ADGRB2: variants seen among roughly 807,000 people sequenced by gnomAD.
The protein encoded by ADGRB2 is brain-specific angiogenesis inhibitor 2.
Under a neutral mutation model 178.7 loss-of-function variants are expected in ADGRB2, and 47 were observed. The ratio of observed to expected loss-of-function variants is 0.26; its 90% confidence interval spans 0.21 to 0.34. ADGRB2 has a LOEUF of 0.34. ADGRB2 is among the 10% of genes least tolerant of loss of function. The pLI is 1.00. For missense variants in ADGRB2, 1,584 were observed against 2,180.8 expected, an observed-to-expected ratio of 0.73 and a Z score of 5.45; for synonymous variants, 870 against 912.4, an observed-to-expected ratio of 0.95 and a Z score of 0.84.
At position 31,728,976 on chromosome 1, in the gene ADGRB2, C is replaced by T. The variant is rs1645141147; in HGVS notation, c.4381-343G>A. Among the ~76,000 whole-genome samples the T allele has an allele frequency of 6.6e-6, 1 of 152,140 alleles. No homozygotes were observed. The highest frequency in any genetic ancestry group is 2.4e-5 in the African/African-American group (1 of 41,426). On this transcript the variant is annotated intron_variant, in intron 29 of 32. Transcript: ENST00000373658. The surrounding 1 kb of genome is among the most constrained non-coding windows in gnomAD (Gnocchi z 6.7). ...TCCCCATCTTGCCCCATTCTCTCTG[C>T]CAGCCATAGCTACCCCTCCCCTTGG...
At chr1:31,743,041 T>C (rs575162089) in intron 6 of ADGRB2, 39 bp from the exon 7 acceptor site, 59 of 1,365,974 alleles carry the variant, frequency 4.3e-5, no homozygotes, top group Admixed American at 2.4e-4. Context: ...GGCGGCACCA[T>C]GGCCCCGCCC....
At chr1:31,749,647 T>C (rs1172228359) in intron 4 of ADGRB2, among the ~76,000 whole-genome samples, 1 of 152,220 alleles carries the variant, frequency 6.6e-6, no homozygotes, top group East Asian at 1.9e-4. Context: ...ATGAGGTGGC[T>C]CACGCCTGCA....
chr1:31,729,940 A>T lies in ADGRB2; in HGVS notation c.4380+860T>A, dbSNP rs555522042. Among the ~76,000 whole-genome samples, 33 of 152,360 alleles carry T rather than the reference A, an allele frequency of 2.2e-4. 1 individual carries two copies. In the South Asian group the frequency reaches 6.8e-3, roughly 32 times the overall value. On this transcript the variant is annotated intron_variant, in intron 29 of 32. Transcript: ENST00000373658. The stretch of plus-strand genomic sequence containing the variant: ...CTTTGGGAGAAAAACTAAACTTGTG[A>T]GCCCCGTAGCTACTAACTTAATTTT...
At chr1:31,763,033 G>A (rs1488187558) in intron 1 of ADGRB2, among the ~76,000 whole-genome samples, 1 of 152,214 alleles carries the variant, frequency 6.6e-6, no homozygotes, top group Non-Finnish European at 1.5e-5. Flanking sequence ...AACCCCCTCC[G>A]GATCATGCCG....
At chr1:31,749,241 A>G (rs1252160385) in intron 4 of ADGRB2, among the ~76,000 whole-genome samples, 2 of 152,112 alleles carry the variant, frequency 1.3e-5, no homozygotes, top group African/African-American at 4.8e-5. Context: ...TCCCAGCCCC[A>G]ACCACACCAC....
At chr1:31,748,381 G>A (rs924480878) in intron 4 of ADGRB2, among the ~76,000 whole-genome samples, 2 of 152,232 alleles carry the variant, frequency 1.3e-5, no homozygotes, top group Admixed American at 6.5e-5. Flanking sequence ...ATCCCACTCA[G>A]AGGAGAGGAG....
chr1:31,740,579 A>G lies in ADGRB2; in HGVS notation c.1795-38T>C. 6.5e-7 allele frequency: 1 copy of G among 1,539,462 alleles called. No homozygotes were observed. Among genetic ancestry groups the G allele is most frequent in the East Asian group, 2.3e-5 (1 of 43,120 alleles). ...AGGGGGCCACAGTCACTGAAGTGTC[A>G]GGAGCTGGAACCAGACCCTGGCCCA... is the stretch of plus-strand genomic sequence containing the variant. On this transcript the variant is annotated intron_variant, in intron 11 of 32. Transcript: ENST00000373658. This position sits in a 1 kb window ranked among gnomAD's most constrained non-coding sequence, Gnocchi z 5.9.
Position 31,754,787 on chromosome 1 carries a change from A to G in ADGRB2, c.838+1212T>C, listed in dbSNP as rs1000931333. The stretch of plus-strand genomic sequence containing the variant: ...TAATTCAGGGATACCTCCCCATTCT[A>G]CAAAGAAACCACTGCCCACCAAAAA... On this transcript the variant is annotated intron_variant, in intron 4 of 32. Transcript: ENST00000373658. This position sits in a 1 kb window ranked among gnomAD's most constrained non-coding sequence, Gnocchi z 5.7. Among the ~76,000 whole-genome samples, 1 of 152,230 alleles carries G rather than the reference A, an allele frequency of 6.6e-6. No homozygotes were observed. Among genetic ancestry groups the G allele is most frequent in the African/African-American group, 2.4e-5 (1 of 41,452 alleles).
rs762120790 is a variant in ADGRB2 at position 31,731,166 on chromosome 1, T to A, written c.4014A>T (p.Thr1338=). 8 of 1,598,788 alleles carry A rather than the reference T, an allele frequency of 5.0e-6. No homozygotes were observed. The South Asian group carries it at 7.9e-5, about 16-fold the overall frequency. Residue 1338 remains threonine, a synonymous_variant, in exon 29 of 33, where the codon ACA becomes ACT. Coordinates refer to ENST00000373658, the MANE Select transcript of ADGRB2 (RefSeq NM_001364857.2). ...GEGGLRQLDL[T]WLRPTEPGSE... ...AGCCTGGCTCAGTGGGCCGCAGCCA[T>A]GTGAGGTCCAGCTGCCGCAGGCCAC...
At chr1:31,750,225 C>A (rs970714435) in intron 4 of ADGRB2, among the ~76,000 whole-genome samples, 1 of 152,200 alleles carries the variant, frequency 6.6e-6, no homozygotes, top group African/African-American at 2.4e-5. Flanking sequence ...AGGCCATCTT[C>A]TTCTATACCT....
rs74065919 is a variant in ADGRB2, at chr1:31,760,416, C to T, written c.-190-2905G>A. Among the ~76,000 whole-genome samples the T allele has an allele frequency of 6.6e-3, 999 of 152,302 alleles. 16 individuals are homozygous for T. The highest frequency in any genetic ancestry group is 0.022 in the African/African-American group (927 of 41,564). On this transcript the variant is annotated intron_variant, in intron 1 of 32. Transcript: ENST00000373658. ...ACACTCAAGTCCCCTTTCTTTCCAC[C>T]CCTCAGGGCTCCCCAGCTTCCCTTC...
At chr1:31,742,801 G>T (rs1360603654) in intron 7 of ADGRB2, 37 bp downstream of exon 7, 8 of 1,400,736 alleles carry the variant, frequency 5.7e-6, no homozygotes, top group South Asian at 4.9e-5. Flanking sequence ...CACCGGGCTG[G>T]GCAGCGCCCT....
chr1:31,748,316 C>T (rs944623132), intron 4 of ADGRB2, among the ~76,000 whole-genome samples: 4 of 152,232 alleles, frequency 2.6e-5, no homozygotes, highest in Non-Finnish European at 5.9e-5. Flanking sequence ...AAGGTACAAG[C>T]CCAAGGCCAC....
intron 29 of ADGRB2, among the ~76,000 whole-genome samples, chr1:31,729,086 C>A (rs1212620079): frequency 6.6e-6 from 1 of 152,168 alleles, no homozygotes; most frequent in Non-Finnish European, 1.5e-5. Context: ...TCCTGCCAAA[C>A]CAGGCGCTGC....
chr1:31,763,258 A>C (rs1054633309), intron 1 of ADGRB2, among the ~76,000 whole-genome samples: 2 of 151,126 alleles, frequency 1.3e-5, no homozygotes, highest in Admixed American at 1.3e-4. Flanking sequence ...GACTTGCAGC[A>C]AGATTGGCGA....
rs753960658 is a variant in ADGRB2 at position 31,735,860 on chromosome 1, G to A, written c.3234C>T (p.Tyr1078=). Residue 1078 remains tyrosine, a synonymous_variant, in exon 23 of 33, where the codon TAC becomes TAT. Coordinates refer to ENST00000373658, the MANE Select transcript of ADGRB2 (RefSeq NM_001364857.2). This position sits in a 1 kb window ranked among gnomAD's most constrained non-coding sequence, Gnocchi z 6.0. ...CWLSLEGGLL[Y]AFVGPAAVIV... ...TGACGGCTGCAGGGCCCACAAAGGC[G>A]TAGAGCAGGCCGCCCTCCAGGGAGA... 13 of 1,607,694 alleles carry A rather than the reference G, an allele frequency of 8.1e-6. No homozygotes were observed. The highest frequency in any genetic ancestry group is 4.5e-5 in the East Asian group (2 of 44,624).
In ADGRB2 at chr1:31,727,328, G is replaced by C; in HGVS notation, c.*92C>G. On this transcript the variant is annotated 3_prime_UTR_variant, in exon 33 of 33. Coordinates refer to ENST00000373658, the MANE Select transcript of ADGRB2 (RefSeq NM_001364857.2). The surrounding 1 kb of genome is among the most constrained non-coding windows in gnomAD (Gnocchi z 4.4). ...TCCCTGCCCAGCCCTCGGGAGAGGGGAGAGGGCGCTGGCTCCTGGGTAGTT... is the reference window on the plus strand; with the variant it reads ...TCCCTGCCCAGCCCTCGGGAGAGGGCAGAGGGCGCTGGCTCCTGGGTAGTT... The C allele has an allele frequency of 1.4e-6, 2 of 1,409,956 alleles. No homozygotes were observed. The highest frequency in any genetic ancestry group is 3.0e-5 in the East Asian group (1 of 33,712). The allele number at this position is 1,409,956 out of a possible 1,614,324, so 87.3% of individuals were successfully genotyped here.
At chr1:31,729,350 C>A (rs1645160250) in intron 29 of ADGRB2, among the ~76,000 whole-genome samples, 1 of 152,184 alleles carries the variant, frequency 6.6e-6, no homozygotes, top group Non-Finnish European at 1.5e-5. Flanking sequence ...CCATCTGGAT[C>A]TCCCAGGCCT....
At chr1:31,731,854 C>T (rs530666220) in intron 28 of ADGRB2, among the ~76,000 whole-genome samples, 2 of 152,300 alleles carry the variant, frequency 1.3e-5, no homozygotes, top group East Asian at 3.9e-4. Context: ...TTCATGCATG[C>T]CCCTAAGCCC....
Sources: allele counts gnomAD v4.1 joint callset (sites outside exome capture counted in the v4.1 genomes callset), GRCh38; gene constraint gnomAD v4.1.1; non-coding constraint Gnocchi (gnomAD v3.1); transcripts MANE v1.5; gene names NCBI Gene and HGNC (gene_info 2026-07-23, HGNC 2026-07-21).